Variants in NCOR2 observed in about 807,000 individuals in gnomAD.
NCOR2 encodes nuclear receptor corepressor 2.
In NCOR2, 81 loss-of-function variants were observed where a neutral mutation model predicts 262.9. The observed-to-expected ratio is 0.31, with a 90% confidence interval of 0.26 to 0.37. The LOEUF (loss-of-function observed/expected upper bound fraction) is 0.37. Ranked by LOEUF, NCOR2 falls within the 10% of genes least tolerant of loss-of-function variation. The probability of loss-of-function intolerance (pLI) is 1.00; values close to 1 mark genes in which losing one functional copy is unlikely to be tolerated. For synonymous variants in NCOR2, 1,659 were observed against 1,559.3 expected, an observed-to-expected ratio of 1.06 and a Z score of -1.51; for missense variants, 3,385 against 3,621.4, an observed-to-expected ratio of 0.93 and a Z score of 1.68.
At chr12:124,434,290 T>A (rs73225428) in intron 8 of NCOR2, among the ~76,000 whole-genome samples, 378 of 152,204 alleles carry the variant, frequency 2.5e-3, no homozygotes, top group Admixed American at 4.0e-3. Flanking sequence ...TCCCCAGGCC[T>A]TACTGAAATC....
intron 46 of NCOR2, 40 bp downstream of exon 48, chr12:124,326,151 G>A (rs1316050848): frequency 2.8e-6 from 4 of 1,453,018 alleles, no homozygotes; most frequent in Non-Finnish European, 3.6e-6. Context: ...CCAGTGTTGG[G>A]GGCTCAGCGA....
chr12:124,527,926 C>T (rs993364834), intron 1 of NCOR2, among the ~76,000 whole-genome samples: 6 of 152,244 alleles, frequency 3.9e-5, no homozygotes, highest in Admixed American at 6.5e-5. Flanking sequence ...CTTCCCATCT[C>T]GCCCTCCAGG....
At chr12:124,498,870 A>G (rs145258815), upstream of NCOR2, among the ~76,000 whole-genome samples, 69 of 152,356 alleles carry the variant, frequency 4.5e-4, 1 homozygote, top group African/African-American at 1.5e-3. Flanking sequence ...ATGCTGAACC[A>G]AAGAGGCCAG....
chr12:124,417,180 G>GAGCAGGCCGGACACTCACTCCACGGAC (rs1555220415), intron 13 of NCOR2, among the ~76,000 whole-genome samples: 3,996 of 29,436 alleles, frequency 0.14, 1,123 homozygotes, highest in East Asian at 0.27. Context: ...ACTCCACGCA[G>GAGCAGGCCGGACACTCACTCCACGGAC]AGCAGGCCGG....
intron 37 of NCOR2, among the ~76,000 whole-genome samples, chr12:124,338,891 A>ACCCC (rs2036129738): frequency 2.1e-5 from 3 of 141,918 alleles, no homozygotes; most frequent in African/African-American, 7.9e-5. Flanking sequence ...TCATCCACCT[A>ACCCC]ACCCTACCAC....
chr12:124,411,507 C>CT, intron 13 of NCOR2, among the ~76,000 whole-genome samples: 1 of 152,316 alleles, frequency 6.6e-6, no homozygotes, highest in East Asian at 1.9e-4. Context: ...GAGAGGCCCC[C>CT]TTGGCCACAT....
At chr12:124,371,990 G>C in intron 20 of NCOR2, 32 bp downstream of exon 22, 1 of 1,543,200 alleles carries the variant, frequency 6.5e-7, no homozygotes, top group Non-Finnish European at 8.7e-7. Context: ...GCAGACAAAA[G>C]CCAAGGTTAG....
At chr12:124,416,158 C>A (rs1280030970) in intron 13 of NCOR2, among the ~76,000 whole-genome samples, 2 of 152,110 alleles carry the variant, frequency 1.3e-5, no homozygotes, top group African/African-American at 2.4e-5. Context: ...ACTCCCTACT[C>A]CCTCCCCAGA....
At chr12:124,337,329 CTG>C (rs1346050767) in intron 37 of NCOR2, 149 bp from the exon 40 acceptor site, 1 of 916,676 alleles carries the variant, frequency 1.1e-6, no homozygotes, top group South Asian at 1.4e-5. Context: ...CTGCCAGACT[CTG>C]TGCGTCATGG....
intron 7 of NCOR2, among the ~76,000 whole-genome samples, chr12:124,441,045 G>A (rs1035540797): frequency 4.6e-5 from 7 of 152,142 alleles, no homozygotes; most frequent in African/African-American, 9.7e-5. Flanking sequence ...TGTGAGTTTC[G>A]ACATGGCAAA....
chr12:124,387,666 G>C (rs1272225542), intron 16 of NCOR2, among the ~76,000 whole-genome samples: 1 of 152,244 alleles, frequency 6.6e-6, no homozygotes, highest in Non-Finnish European at 1.5e-5. Context: ...CGCAGAAGGG[G>C]AGGGCCGGGG....
At chr12:124,449,429 G>A (rs1283543438) in intron 7 of NCOR2, among the ~76,000 whole-genome samples, 1 of 152,136 alleles carries the variant, frequency 6.6e-6, no homozygotes, top group African/African-American at 2.4e-5. Flanking sequence ...CCAGGCCCCC[G>A]CCTGCTCTGG....
In NCOR2 at chr12:124,422,472, G is replaced by C. The variant is rs545497298; in HGVS notation, c.1383+29C>G. ...GCAGTTGCCCACGGAGGTGGAGACCGAAGGGGTATGGGGCGGGCAGCGACT... is the reference window on the plus strand; with the variant it reads ...GCAGTTGCCCACGGAGGTGGAGACCCAAGGGGTATGGGGCGGGCAGCGACT... On this transcript the variant is annotated intron_variant, in intron 12 of 46. Coordinates refer to ENST00000405201, the Ensembl canonical transcript of NCOR2. The C allele has an allele frequency of 1.9e-6, 3 of 1,613,622 alleles. No individual in the cohort carries two copies. In the South Asian group the frequency reaches 3.3e-5, roughly 18 times the overall value.
chr12:124,379,108 G>A (rs1253168209), intron 17 of NCOR2, among the ~76,000 whole-genome samples: 4 of 152,262 alleles, frequency 2.6e-5, no homozygotes, highest in South Asian at 2.1e-4. Context: ...AAGATTTGAC[G>A]GCGGAGGGAA....
chr12:124,325,288 G>A (rs370910056), exon 47 of NCOR2: 28 of 617,430 alleles, frequency 4.5e-5, no homozygotes, highest in African/African-American at 7.7e-5. Flanking sequence ...AGGCGCAGGC[G>A]GACTCAGGGG....
rs1415226917 is a variant in NCOR2 at position 124,389,128 on chromosome 12, G to C, written c.1877-3241C>G. On this transcript the variant is annotated intron_variant, in intron 16 of 46. Transcript: ENST00000405201. The surrounding 1 kb of genome is among the most constrained non-coding windows in gnomAD (Gnocchi z 4.4). ...GGATGCCCCTGGGCCAGGTATCACC[G>C]GGGCGCAGCGTGCCGAGCTCCTCCA... 6.6e-6 allele frequency among the ~76,000 whole-genome samples: 1 copy of C among 152,254 alleles called. No homozygotes were observed. Among genetic ancestry groups the C allele is most frequent in the Non-Finnish European group, 1.5e-5 (1 of 68,034 alleles).
chr12:124,357,061 C>A (rs978840316), intron 22 of NCOR2, among the ~76,000 whole-genome samples: 3 of 152,262 alleles, frequency 2.0e-5, no homozygotes, highest in African/African-American at 7.2e-5. Flanking sequence ...TTTGCAACCC[C>A]ACAAGCACTC....
chr12:124,548,635 T>C lies in NCOR2; in HGVS notation c.-164-13024A>G, dbSNP rs925461656. ...CACAATAACAGCATATTATCTTTAC[T>C]GTTCCTGTTATTTTTTTCTGTGCTG... On this transcript the variant is annotated intron_variant, in intron 1 of 32. Coordinates refer to the NCOR2 transcript ENST00000458234. The surrounding 1 kb of genome is among the most constrained non-coding windows in gnomAD (Gnocchi z 5.1). Among the ~76,000 whole-genome samples, 1 of 152,186 alleles carries C rather than the reference T, an allele frequency of 6.6e-6. No individual in the cohort carries two copies. Among genetic ancestry groups the C allele is most frequent in the African/African-American group, 2.4e-5 (1 of 41,434 alleles).
At chr12:124,547,215 A>C (rs7136910) in intron 1 of NCOR2, among the ~76,000 whole-genome samples, 59,757 of 151,602 alleles carry the variant, frequency 0.39, 12,003 homozygotes, top group Admixed American at 0.47. Flanking sequence ...CTGGTCTCGA[A>C]CTCCTGGCCT....
Sources: gnomAD v4.1 joint callset for allele counts (sites outside exome capture counted in the v4.1 genomes callset) on GRCh38, gnomAD v4.1.1 for gene constraint, Gnocchi (gnomAD v3.1) non-coding constraint, MANE v1.5 for transcripts, NCBI Gene and HGNC (gene_info 2026-07-23, HGNC 2026-07-21) for gene names.